Variants in KANTR observed in about 807,000 individuals in gnomAD.
KANTR encodes KANTR integral membrane protein, also known as KDM5C adjacent transcript.
At chrX:53,125,468 A>C (rs1556816132) in exon 3 of KANTR, 3 of 109,793 alleles carry the variant, frequency 2.7e-5, no homozygotes, top group African/African-American at 9.9e-5. Context: ...TCTGTGCTTC[A>C]TTTTCTCTTT....
At chrX:53,118,134 G>A (rs1933161001) in intron 2 of KANTR, among the ~76,000 whole-genome samples, 1 of 111,190 alleles carries the variant, frequency 9.0e-6, no homozygotes, top group South Asian at 3.8e-4. Flanking sequence ...GTATCTCCTG[G>A]AACATATGCA....
chrX:53,142,321 T>TC (rs1186736201), exon 3 of KANTR: 1 of 112,792 alleles, frequency 8.9e-6, no homozygotes, highest in Non-Finnish European at 1.8e-5. Flanking sequence ...TGTATGTTTT[T>TC]TTTTTTTTTT....
downstream of KANTR, chrX:53,143,176 A>G (rs1373087443): frequency 2.3e-6 from 2 of 858,562 alleles, no homozygotes; most frequent in African/African-American, 4.0e-5. Flanking sequence ...GCCGATGGTG[A>G]TGACCTGACC....
downstream of KANTR, among the ~76,000 whole-genome samples, chrX:53,130,909 T>C (rs191351836): frequency 2.7e-5 from 3 of 111,568 alleles, no homozygotes. Flanking sequence ...GTGGGAAGTA[T>C]TGGATATTTC....
intron 2 of KANTR, among the ~76,000 whole-genome samples, chrX:53,106,870 C>G (rs1406402414): frequency 9.1e-6 from 1 of 110,329 alleles, no homozygotes; most frequent in Non-Finnish European, 1.9e-5. Flanking sequence ...GTAGTCCCAG[C>G]TACTAGAGAG....
chrX:53,126,033 G>A (rs1933288475), exon 3 of KANTR: 2 of 110,568 alleles, frequency 1.8e-5, no homozygotes, highest in Admixed American at 9.6e-5. Flanking sequence ...GCTTTGAGAT[G>A]TCTGTTGCTA....
At chrX:53,146,424 G>A (rs1363468860), downstream of KANTR, among the ~76,000 whole-genome samples, 2 of 111,635 alleles carry the variant, frequency 1.8e-5, no homozygotes, top group Non-Finnish European at 3.8e-5. Context: ...GAAATGAAGC[G>A]AGAAGAGAAG....
chrX:53,095,179 A>T (rs1407972547), intron 1 of KANTR, among the ~76,000 whole-genome samples: 1 of 112,193 alleles, frequency 8.9e-6, no homozygotes, highest in African/African-American at 3.2e-5. Context: ...AGTTGGGAGC[A>T]ACTTAGATTA....
At chrX:53,096,389 G>A (rs1289594240) in intron 1 of KANTR, among the ~76,000 whole-genome samples, 4 of 112,372 alleles carry the variant, frequency 3.6e-5, no homozygotes, top group Non-Finnish European at 7.5e-5. Flanking sequence ...TACATTACTG[G>A]TGAGATATTC....
chrX:53,099,074 G>A (rs1451796017), intron 1 of KANTR, among the ~76,000 whole-genome samples: 1 of 110,516 alleles, frequency 9.0e-6, no homozygotes, highest in African/African-American at 3.3e-5. Context: ...TGTTGCCCAG[G>A]CTCCATTAAA....
downstream of KANTR, among the ~76,000 whole-genome samples, chrX:53,147,233 C>T (rs1427137758): frequency 7.2e-5 from 8 of 111,669 alleles, no homozygotes; most frequent in Non-Finnish European, 1.5e-4. Flanking sequence ...ATCTCACCTG[C>T]AGAGACACAC....
chrX:53,140,500 CA>C (rs782805364), intron 2 of KANTR, among the ~76,000 whole-genome samples: 4,955 of 42,382 alleles, frequency 0.12, 441 homozygotes, highest in African/African-American at 0.34. Flanking sequence ...GACTCTGTCT[CA>C]AAAAAAAAAA....
intron 2 of KANTR, among the ~76,000 whole-genome samples, chrX:53,103,571 T>C (rs990589079): frequency 9.0e-6 from 1 of 110,933 alleles, no homozygotes; most frequent in Non-Finnish European, 1.9e-5. Context: ...TACCATCCAC[T>C]TTATCGGGCA....
intron 2 of KANTR, among the ~76,000 whole-genome samples, chrX:53,109,600 C>G (rs1328290374): frequency 1.8e-5 from 2 of 111,426 alleles, no homozygotes; most frequent in East Asian, 5.7e-4. Context: ...AAGTATTTTA[C>G]TTTTTTTCTG....
At chrX:53,127,071 C>T (rs1556816283) in exon 3 of KANTR, 1 of 111,864 alleles carries the variant, frequency 8.9e-6, no homozygotes, top group African/African-American at 3.3e-5. Flanking sequence ...TTTTCAGGGC[C>T]TTTGTACTTG....
Position 53,123,460 on chromosome X carries a change from T to C in KANTR, c.-804-9T>C, listed in dbSNP as rs1459526091. ...AATTTCAAAATAATGATGAAGCTCTTATTTGCAGAACATGCATCATTATTA... is the reference window on the plus strand; with the variant it reads ...AATTTCAAAATAATGATGAAGCTCTCATTTGCAGAACATGCATCATTATTA... On this transcript the variant is annotated splice_polypyrimidine_tract_variant and intron_variant, in intron 2 of 2. Coordinates refer to ENST00000604062, the Ensembl canonical transcript of KANTR. 10 of 111,992 alleles carry C rather than the reference T, an allele frequency of 8.9e-5. No individual in the cohort carries two copies. Among genetic ancestry groups the C allele is most frequent in the Non-Finnish European group, 1.9e-4 (10 of 53,234 alleles). 9.2% of individuals were successfully genotyped at this position (111,992 alleles called of 1,213,427 possible). A position where few individuals can be genotyped will look rare whatever the true frequency, so the allele number is the denominator to read the frequency against.
intron 2 of KANTR, among the ~76,000 whole-genome samples, chrX:53,105,821 A>T (rs1425343938): frequency 2.1e-5 from 2 of 95,314 alleles, no homozygotes; most frequent in Non-Finnish European, 4.2e-5. Flanking sequence ...ATGTATCTGG[A>T]TATAAGTCCT....
intron 2 of KANTR, among the ~76,000 whole-genome samples, chrX:53,102,660 AT>A (rs782219021): frequency 9.0e-6 from 1 of 111,690 alleles, no homozygotes; most frequent in East Asian, 2.8e-4. Context: ...TTCATGAAAT[AT>A]GTTGGGATTA....
intron 2 of KANTR, among the ~76,000 whole-genome samples, chrX:53,136,278 G>A (rs782732650): frequency 2.7e-5 from 3 of 111,062 alleles, no homozygotes; most frequent in East Asian, 2.9e-4. Flanking sequence ...TGCTCTTGTC[G>A]CCCAGGCTGG....
Sources: gnomAD v4.1 joint callset for allele counts (sites outside exome capture counted in the v4.1 genomes callset) on GRCh38, gnomAD v4.1.1 for gene constraint, MANE v1.5 for transcripts, NCBI Gene and HGNC (gene_info 2026-07-23, HGNC 2026-07-21) for gene names.